The following DPP6 variants were observed in gnomAD, a reference collection of about 807,000 sequenced individuals.
DPP6 encodes the protein A-type potassium channel modulatory protein DPP6.
In DPP6, 69 loss-of-function variants were observed where a neutral mutation model predicts 122.6. The ratio of observed to expected loss-of-function variants is 0.56; its 90% confidence interval spans 0.46 to 0.69. The LOEUF (loss-of-function observed/expected upper bound fraction) is 0.69. Ranked by LOEUF, DPP6 falls within the 30% of genes least tolerant of loss-of-function variation. The pLI is 0.00. For synonymous variants in DPP6, 418 were observed against 433.1 expected (o/e 0.97, Z 0.43); for missense variants, 928 against 1,116.9 (o/e 0.83, Z 2.41).
At chr7:153,922,188 CT>C (rs144776355) in intron 1 of DPP6, among the ~76,000 whole-genome samples, 11,041 of 152,206 alleles carry the variant, frequency 0.073, 434 homozygotes, top group African/African-American at 0.11. Context: ...AGTGGGTGTA[CT>C]TTTCTTTGTT....
chr7:154,332,275 T>C (rs986025922), intron 1 of DPP6, among the ~76,000 whole-genome samples: 15 of 152,118 alleles, frequency 9.9e-5, no homozygotes, highest in African/African-American at 3.6e-4. Flanking sequence ...TTTCACCATG[T>C]TGGCCAGGCT....
chr7:154,371,376 C>A (rs1424090867), intron 1 of DPP6, among the ~76,000 whole-genome samples: 2 of 17,366 alleles, frequency 1.2e-4, no homozygotes, highest in African/African-American at 2.0e-4. Context: ...GAAACTCTGT[C>A]TCAAAAAAAA....
intron 1 of DPP6, among the ~76,000 whole-genome samples, chr7:154,085,961 C>T (rs189628069): frequency 0.011 from 1,708 of 152,056 alleles, 25 homozygotes; most frequent in Non-Finnish European, 0.016. Context: ...CTCCTGACCT[C>T]GTGATCTGCC....
intron 1 of DPP6, among the ~76,000 whole-genome samples, chr7:154,201,595 G>A (rs542629208): frequency 2.0e-5 from 3 of 152,310 alleles, no homozygotes; most frequent in South Asian, 2.1e-4. Context: ...TGGGGCAGCA[G>A]GTCCCACGCC....
At chr7:154,482,907 A>C (rs552434585) in intron 3 of DPP6, among the ~76,000 whole-genome samples, 5 of 152,148 alleles carry the variant, frequency 3.3e-5, no homozygotes, top group Non-Finnish European at 7.4e-5. Flanking sequence ...GTGATTCTCT[A>C]TTCTTGACAG....
At chr7:154,183,415 C>T (rs1174366910) in intron 1 of DPP6, among the ~76,000 whole-genome samples, 1 of 152,144 alleles carries the variant, frequency 6.6e-6, no homozygotes, top group Non-Finnish European at 1.5e-5. Context: ...AGTTGTGGCT[C>T]CTGATCTTTT....
chr7:153,861,354 T>C, the DPP6 span, among the ~76,000 whole-genome samples: 1 of 152,202 alleles, frequency 6.6e-6, no homozygotes, highest in Non-Finnish European at 1.5e-5. Flanking sequence ...AAGTAAGACA[T>C]ATTTGGCCAA....
chr7:154,020,559 C>T (rs2533821), intron 1 of DPP6, among the ~76,000 whole-genome samples: 3 of 152,294 alleles, frequency 2.0e-5, no homozygotes, highest in African/African-American at 4.8e-5. Context: ...CTGTCATTCC[C>T]ATGCCATTCA....
At chr7:154,826,055 T>C (rs1178792288) in intron 16 of DPP6, among the ~76,000 whole-genome samples, 2 of 152,190 alleles carry the variant, frequency 1.3e-5, no homozygotes, top group African/African-American at 2.4e-5. Flanking sequence ...TCACCCTACG[T>C]TTCACAAACG....
intron 1 of DPP6, among the ~76,000 whole-genome samples, chr7:154,311,456 C>T (rs561728672): frequency 2.3e-4 from 35 of 151,484 alleles, no homozygotes; most frequent in Non-Finnish European, 2.2e-4. Flanking sequence ...GTGATCACAC[C>T]GCTGAACTCT....
At chr7:154,340,224 ATG>A (rs1809809197) in intron 1 of DPP6, among the ~76,000 whole-genome samples, 2 of 152,258 alleles carry the variant, frequency 1.3e-5, no homozygotes, top group African/African-American at 4.8e-5. Flanking sequence ...AATCTCTTTT[ATG>A]TAGAGAGTGG....
chr7:154,264,667 G>C (rs557397175), intron 1 of DPP6, among the ~76,000 whole-genome samples: 17 of 152,164 alleles, frequency 1.1e-4, no homozygotes, highest in African/African-American at 3.6e-4. Flanking sequence ...TGATAATGAT[G>C]GTGATCCTGA....
At chr7:154,359,772 C>A (rs1270134726) in intron 1 of DPP6, among the ~76,000 whole-genome samples, 1 of 152,218 alleles carries the variant, frequency 6.6e-6, no homozygotes, top group African/African-American at 2.4e-5. Flanking sequence ...GTAAAAGGCA[C>A]TTTCCCAAAC....
intron 1 of DPP6, among the ~76,000 whole-genome samples, chr7:153,992,131 CTG>C (rs1372167486): frequency 6.6e-6 from 1 of 151,930 alleles, no homozygotes; most frequent in Non-Finnish European, 1.5e-5. Flanking sequence ...CCCCCAAACA[CTG>C]TTGCATTGGG....
intron 1 of DPP6, among the ~76,000 whole-genome samples, chr7:154,002,154 G>T (rs1176173038): frequency 2.0e-5 from 3 of 152,138 alleles, no homozygotes; most frequent in African/African-American, 7.2e-5. Flanking sequence ...CAGGAAGATG[G>T]CTCACATGTA....
At chr7:154,326,096 A>G (rs1161397172) in intron 1 of DPP6, among the ~76,000 whole-genome samples, 1 of 152,212 alleles carries the variant, frequency 6.6e-6, no homozygotes, top group Non-Finnish European at 1.5e-5. Flanking sequence ...ATTAAACCTC[A>G]CTGTCTGAGA....
intron 1 of DPP6, among the ~76,000 whole-genome samples, chr7:154,022,030 A>G (rs373396402): frequency 0.03 from 4,517 of 152,146 alleles, 62 homozygotes; most frequent in South Asian, 0.073. Flanking sequence ...GGGGAGGAGA[A>G]TTCAACTCCC....
At chr7:154,839,950 C>T (rs911633546) in intron 16 of DPP6, among the ~76,000 whole-genome samples, 6 of 152,028 alleles carry the variant, frequency 3.9e-5, no homozygotes, top group Admixed American at 1.3e-4. Flanking sequence ...TGGGGGACAG[C>T]GCTGAGGACA....
the DPP6 span, among the ~76,000 whole-genome samples, chr7:153,749,075 C>T: frequency 2.6e-5 from 4 of 152,062 alleles, no homozygotes; most frequent in Admixed American, 2.6e-4. The surrounding 1 kb of genome is among the most constrained non-coding windows in gnomAD (Gnocchi z 4.1). Context: ...TACAGTTGGC[C>T]GGAGAGTGGA....
Sources: gnomAD v4.1 joint callset for allele counts (sites outside exome capture counted in the v4.1 genomes callset) on GRCh38, gnomAD v4.1.1 for gene constraint, Gnocchi (gnomAD v3.1) non-coding constraint, MANE v1.5 for transcripts, NCBI Gene and HGNC (gene_info 2026-07-23, HGNC 2026-07-21) for gene names.